The following SYNE2 variants were observed in gnomAD, a reference collection of about 807,000 sequenced individuals.
SYNE2 encodes the protein spectrin repeat containing nuclear envelope protein 2, also known as nesprin-2.
A neutral mutation model predicts 856.3 loss-of-function variants in SYNE2; 431 were observed. The ratio of observed to expected loss-of-function variants is 0.50; its 90% CI spans 0.47 to 0.55. SYNE2 has a LOEUF of 0.55. Among genes scored for constraint, SYNE2 ranks in the 20% least tolerant of loss-of-function variants. The pLI is 0.00. For synonymous variants in SYNE2, 2,923 were observed against 2,872.3 expected (o/e 1.02, Z -0.56); for missense variants, 8,129 against 8,023.2 (o/e 1.01, Z -0.50).
chr14:64,148,129 C>T (rs750221525), intron 84 of SYNE2, among the ~76,000 whole-genome samples: 4 of 152,042 alleles, frequency 2.6e-5, no homozygotes, highest in Admixed American at 1.3e-4. Context: ...CTGAGCAAGA[C>T]GGTGAGACCC....
chr14:63,835,303 A>C (rs1463359176), intron 1 of SYNE2, among the ~76,000 whole-genome samples: 1 of 152,014 alleles, frequency 6.6e-6, no homozygotes, highest in African/African-American at 2.4e-5. Context: ...GTCCAATCTC[A>C]GCTCACTGCA....
intron 1 of SYNE2, among the ~76,000 whole-genome samples, chr14:63,792,026 A>T (rs1595114083): frequency 1.3e-5 from 2 of 152,332 alleles, no homozygotes; most frequent in South Asian, 4.1e-4. Context: ...AATGCAAAAG[A>T]AGGCAGTAAC....
chr14:63,880,016 T>G (rs1445662264), intron 1 of SYNE2, among the ~76,000 whole-genome samples: 2 of 152,146 alleles, frequency 1.3e-5, no homozygotes, highest in African/African-American at 4.8e-5. Flanking sequence ...CTTTATAAAT[T>G]TTATTTTATT....
chr14:64,046,113 A>G (rs1260475456), intron 45 of SYNE2, among the ~76,000 whole-genome samples: 1 of 152,258 alleles, frequency 6.6e-6, no homozygotes. Context: ...TGCCTTAGCA[A>G]AATAATGGAC....
At chr14:63,938,744 G>T (rs956565613) in intron 2 of SYNE2, among the ~76,000 whole-genome samples, 4 of 152,130 alleles carry the variant, frequency 2.6e-5, no homozygotes, top group Non-Finnish European at 5.9e-5. Context: ...GGAAGGGAAA[G>T]CCTCAACACC....
chr14:64,163,294 T>C, intron 88 of SYNE2, 108 bp from the exon 89 acceptor site: 7 of 1,263,828 alleles, frequency 5.5e-6, no homozygotes, highest in Non-Finnish European at 7.9e-6. Context: ...AGATCATGCC[T>C]ACGTTTTCAG....
intron 49 of SYNE2, among the ~76,000 whole-genome samples, chr14:64,061,705 G>GT (rs2097318375): frequency 6.6e-6 from 1 of 152,130 alleles, no homozygotes; most frequent in South Asian, 2.1e-4. Flanking sequence ...TTTATTGGTG[G>GT]TTTTTTCTTA....
chr14:63,970,315 A>G (rs921089636), intron 11 of SYNE2, among the ~76,000 whole-genome samples: 4 of 152,126 alleles, frequency 2.6e-5, no homozygotes, highest in Admixed American at 2.0e-4. Flanking sequence ...CAGCCTCCCA[A>G]GTAGCTGAGA....
At chr14:64,178,576 GC>G (rs139539461) in intron 96 of SYNE2, among the ~76,000 whole-genome samples, 3 of 151,600 alleles carry the variant, frequency 2.0e-5, no homozygotes, top group Non-Finnish European at 4.4e-5. Flanking sequence ...TCCTACCTCA[GC>G]CCCCCCGAGT....
chr14:64,087,310 T>G (rs1471631386), intron 57 of SYNE2: 1 of 445,664 alleles, frequency 2.2e-6, no homozygotes, highest in African/African-American at 2.0e-5. Context: ...CTGAACATTT[T>G]CATTAGGTGG....
rs2096123224 is a variant in SYNE2, at chr14:63,949,897, T to C, written c.481T>C (p.Ser161Pro). The change falls in exon 7 of 116, where the codon TCA becomes CCA. Residue 161 changes from serine to proline, a missense_variant. Transcript: ENST00000555002. ...PSLDDVSVVD[S>P]SPASSPPAKK... ...CCTGGATGATGTGAGTGTGGTTGAC[T>C]CATCTCCTGCCTCAAGTCCTCCAGC... The C allele has an allele frequency of 3.1e-6, 5 of 1,614,142 alleles. No individual in the cohort carries two copies. In the East Asian group the frequency reaches 1.1e-4, roughly 36 times the overall value.
At chr14:64,006,999 G>C (rs1461743946) in intron 30 of SYNE2, 44 bp from the exon 31 acceptor site, 2 of 1,491,210 alleles carry the variant, frequency 1.3e-6, no homozygotes, top group Non-Finnish European at 1.9e-6. Flanking sequence ...TTGAATCAAT[G>C]GTTAACAGTT....
intron 99 of SYNE2, among the ~76,000 whole-genome samples, chr14:64,192,184 C>T (rs973851309): frequency 6.6e-6 from 1 of 151,908 alleles, no homozygotes; most frequent in African/African-American, 2.4e-5. Context: ...TAGAATAGCG[C>T]GTCAGATGTT....
rs900929272 is a variant in SYNE2 at position 63,799,075 on chromosome 14, CTTTGT to C, written c.-305+37103_-305+37107del. Among the ~76,000 whole-genome samples, 4 of 152,236 alleles carry C rather than the reference CTTTGT, an allele frequency of 2.6e-5. No individual in the cohort carries two copies. The East Asian group carries it at 7.7e-4, about 29-fold the overall frequency. On this transcript the variant is annotated intron_variant, in intron 1 of 23. Coordinates refer to the SYNE2 transcript ENST00000674003. ...AACAAACACTTAAAGGACAAATGTG[CTTTGT>C]TTTGTTTTGTTTTTATGAGACAGAC...
In SYNE2 at chr14:64,107,493, A is replaced by C. The variant is rs1452661418; in HGVS notation, c.12495A>C (p.Glu4165Asp). The change falls in exon 65 of 116, where the codon GAA becomes GAC. Residue 4165 changes from glutamate (E) to aspartate (D), a missense_variant and splice_region_variant. Physicochemically the swap from Glu to Asp is conservative, Grantham distance 45 (BLOSUM62 2). Around this residue, in one of 3 missense-constraint regions of SYNE2, gnomAD observed 5,410 missense variants for 5,284.8 expected, o/e 1.02. Coordinates refer to ENST00000555002, the MANE Select transcript of SYNE2 (RefSeq NM_182914.3). ...ASSSSGTIVQ[E>D]AYGKISTSDN... ...AGCTCTGATTCTTTTCTTTACAGGAAGCATATGGGAAAATAAGCACCTCTG... is the reference window on the plus strand; with the variant it reads ...AGCTCTGATTCTTTTCTTTACAGGACGCATATGGGAAAATAAGCACCTCTG... 6.2e-7 allele frequency: 1 copy of C among 1,613,574 alleles called. No homozygotes were observed. The highest frequency in any genetic ancestry group is 1.3e-5 in the African/African-American group (1 of 75,040).
intron 91 of SYNE2, 49 bp downstream of exon 91, chr14:64,167,436 G>T: frequency 6.2e-7 from 1 of 1,614,186 alleles, no homozygotes; most frequent in Non-Finnish European, 8.5e-7. Context: ...TAAAATTAAC[G>T]GCTTCAGCTC....
intron 111 of SYNE2, among the ~76,000 whole-genome samples, chr14:64,221,080 C>G (rs887292614): frequency 6.6e-6 from 1 of 152,052 alleles, no homozygotes; most frequent in Admixed American, 6.5e-5. Flanking sequence ...TTAGAAAGAA[C>G]CTTAAAAAGG....
At position 63,998,169 on chromosome 14, in the gene SYNE2, TA is replaced by T. The variant is rs778722313; in HGVS notation, c.3244-45del. 19 of 1,277,744 alleles carry T rather than the reference TA, an allele frequency of 1.5e-5. No homozygotes were observed. In the East Asian group the frequency reaches 3.5e-4, roughly 23 times the overall value. The allele number at this position is 1,277,744 out of a possible 1,614,324, so 79.2% of individuals were successfully genotyped here. ...AACATAAGCATTTATCTTTTCCAGATAAAAAGTATGTTTAAGATATTTCGTT... is the reference window on the plus strand; with the variant it reads ...AACATAAGCATTTATCTTTTCCAGATAAAAGTATGTTTAAGATATTTCGTT... On this transcript the variant is annotated intron_variant, in intron 25 of 115. Coordinates refer to ENST00000555002, the MANE Select transcript of SYNE2 (RefSeq NM_182914.3).
At chr14:64,222,807 G>A (rs1041426126) in intron 112 of SYNE2, among the ~76,000 whole-genome samples, 3 of 152,058 alleles carry the variant, frequency 2.0e-5, no homozygotes, top group Non-Finnish European at 4.4e-5. Flanking sequence ...ATTAAAGCCC[G>A]TTTGCCTGGT....
Sources: gnomAD v4.1 joint callset for allele counts (sites outside exome capture counted in the v4.1 genomes callset) on GRCh38, gnomAD v4.1.1 for gene constraint, gnomAD v4.1.1 regional missense constraint, MANE v1.5 for transcripts, NCBI Gene and HGNC (gene_info 2026-07-23, HGNC 2026-07-21) for gene names.